SRPRB: variants seen among roughly 807,000 people sequenced by gnomAD.
SRPRB encodes the protein SRP receptor subunit beta.
Under a neutral mutation model 31.9 loss-of-function variants are expected in SRPRB, and 20 were observed. The ratio of observed to expected loss-of-function variants is 0.63; its 90% CI spans 0.44 to 0.91. The LOEUF (loss-of-function observed/expected upper bound fraction) is 0.91. Ranked by LOEUF, SRPRB falls within the 40% of genes least tolerant of loss-of-function variation. SRPRB has a pLI of 0.00. For missense variants in SRPRB, 321 were observed against 324.9 expected, an observed-to-expected ratio of 0.99 and a Z score of 0.09; for synonymous variants, 146 against 132.8, an observed-to-expected ratio of 1.10 and a Z score of -0.68.
chr3:133,796,212 G>A (rs1934966594), intron 1 of SRPRB: 1 of 153,184 alleles, frequency 6.5e-6, no homozygotes, highest in Non-Finnish European at 1.5e-5. Context: ...CCATCAAGGA[G>A]CTACCCTGCC....
In SRPRB at chr3:133,800,722, G is replaced by T. The variant is rs2107963618; in HGVS notation, c.-173-4954G>T. ...GTGACATGTCCTCAAACCCGCTAAG[G>T]CAGGGATGTGAAGCAGGAGGATGTC... On this transcript the variant is annotated intron_variant, in intron 1 of 7. Coordinates refer to the SRPRB transcript ENST00000466490. Among the ~76,000 whole-genome samples the T allele has an allele frequency of 1.3e-5, 2 of 152,298 alleles. 1 individual carries two copies. The highest frequency in any genetic ancestry group is 4.1e-4 in the South Asian group (2 of 4,822).
In SRPRB at chr3:133,819,734, G is replaced by C. The variant is rs931468352; in HGVS notation, c.784G>C (p.Asp262His). The stretch of plus-strand genomic sequence containing the variant: ...GGACGTGGGCTCTGCTGACATCCAG[G>C]ACTTGGAGAAATGGCTGGCTAAAAT... The part of the protein sequence containing the change: ...RGDVGSADIQ[D>H]LEKWLAKIA The change falls in exon 7 of 7, where the codon GAC becomes CAC. Residue 262 changes from aspartate (D) to histidine (H), a missense_variant. By Grantham distance (81) the Asp-to-His change is moderately conservative. Transcript: ENST00000678299. 2 of 1,614,134 alleles carry C rather than the reference G, an allele frequency of 1.2e-6. No individual in the cohort carries two copies. Among genetic ancestry groups the C allele is most frequent in the Admixed American group, 1.7e-5 (1 of 60,030 alleles).
chr3:133,790,741 A>G (rs1373634147), intron 1 of SRPRB: 2 of 152,178 alleles, frequency 1.3e-5, no homozygotes, highest in African/African-American at 2.4e-5. Context: ...ATTGCTTCAC[A>G]CTGTTTACTG....
chr3:133,822,795 C>G (rs948749043), downstream of SRPRB, among the ~76,000 whole-genome samples: 8 of 152,190 alleles, frequency 5.3e-5, no homozygotes, highest in Middle Eastern at 3.2e-3. Flanking sequence ...AGATGCCTAT[C>G]TCTTTATCTC....
At chr3:133,816,326 A>G (rs1043382089) in intron 5 of SRPRB, among the ~76,000 whole-genome samples, 1 of 152,220 alleles carries the variant, frequency 6.6e-6, no homozygotes, top group African/African-American at 2.4e-5. Context: ...TGGGAATGCA[A>G]TTAGCGTCAT....
downstream of SRPRB, chr3:133,827,416 T>C: frequency 6.5e-6 from 1 of 154,410 alleles, no homozygotes. Flanking sequence ...GCTGGCCAAG[T>C]AGGTTATATC....
In SRPRB at chr3:133,805,891, G is replaced by C. The variant is rs1360296211; in HGVS notation, c.43G>C (p.Ala15Pro). ...DSRRVADGGG[A>P]GGTFQPYLDT... ...GCGCCGGGTGGCAGATGGCGGCGGTGCCGGGGGCACCTTCCAGCCCTACCT... is the reference window on the plus strand; with the variant it reads ...GCGCCGGGTGGCAGATGGCGGCGGTCCCGGGGGCACCTTCCAGCCCTACCT... Residue 15 changes from alanine (A) to proline (P), a missense_variant, in exon 1 of 7, where the codon GCC (alanine) becomes CCC (proline). By Grantham distance (27) the Ala-to-Pro change is conservative (BLOSUM62 -1). Coordinates refer to ENST00000678299, the MANE Select transcript of SRPRB (RefSeq NM_001379313.1). 6.2e-7 allele frequency: 1 copy of C among 1,613,490 alleles called. No homozygotes were observed. Among genetic ancestry groups the C allele is most frequent in the African/African-American group, 1.3e-5 (1 of 75,038 alleles).
intron 1 of SRPRB, among the ~76,000 whole-genome samples, chr3:133,800,017 T>C (rs1311942097): frequency 6.6e-6 from 1 of 152,204 alleles, no homozygotes; most frequent in Non-Finnish European, 1.5e-5. Context: ...TCATCTTCCT[T>C]CTTCCCCCAG....
In SRPRB at chr3:133,819,598, C is replaced by G. The variant is rs201457927; in HGVS notation, c.648C>G (p.Asp216Glu). 48 of 1,614,106 alleles carry G rather than the reference C, an allele frequency of 3.0e-5. No individual in the cohort carries two copies. The highest frequency in any genetic ancestry group is 3.8e-5 in the Non-Finnish European group (45 of 1,180,050). The stretch of plus-strand genomic sequence containing the variant: ...GTTCTGCTGCCCCCAGCACACTGGA[C>G]AGTTCCAGCACTGCCCCTGCTCAGC... ...VTRSAAPSTL[D>E]SSSTAPAQLG... is the part of the protein sequence containing the mutation. Residue 216 changes from aspartate to glutamate, a missense_variant, in exon 7 of 7, where the codon GAC (aspartate) becomes GAG (glutamate). By Grantham distance (45) the Asp-to-Glu change is conservative. Transcript: ENST00000678299.
chr3:133,807,795 G>C lies in SRPRB; in HGVS notation c.299G>C (p.Cys100Ser), dbSNP rs755986028. 3.7e-6 allele frequency: 6 copies of C among 1,612,646 alleles called. No individual in the cohort carries two copies. In the South Asian group the frequency reaches 6.6e-5, roughly 18 times the overall value. Reference sequence around the variant, plus strand: ...ACTCAGACGTCCATTACTGACAGCTGTGCTGTATACAGAGTCAACAATAAC... The same window carrying C: ...ACTCAGACGTCCATTACTGACAGCTCTGCTGTATACAGAGTCAACAATAAC... ...RDTQTSITDS[C>S]AVYRVNNNRG... The change falls in exon 3 of 7, where the codon TGT becomes TCT. Residue 100 changes from cysteine (C) to serine (S), a missense_variant. By Grantham distance (112) the Cys-to-Ser change is moderately radical (BLOSUM62 -1). Coordinates refer to ENST00000678299, the MANE Select transcript of SRPRB (RefSeq NM_001379313.1).
chr3:133,811,216 T>C lies in SRPRB; in HGVS notation c.410+17T>C, dbSNP rs769066711. ...TTCAGCCAGGTAAGAAGGAAAGAAG[T>C]GAAGTGGGCTTGTCTAGGTCTGTAT... On this transcript the variant is annotated intron_variant, in intron 4 of 6. Coordinates refer to ENST00000678299, the MANE Select transcript of SRPRB (RefSeq NM_001379313.1). 1 of 1,612,606 alleles carries C rather than the reference T, an allele frequency of 6.2e-7. No individual in the cohort carries two copies. Among genetic ancestry groups the C allele is most frequent in the Non-Finnish European group, 8.5e-7 (1 of 1,178,760 alleles).
In SRPRB at chr3:133,789,889, T is replaced by G. The variant is rs1462185587; in HGVS notation, c.-174+5745T>G. ...AACGATCTCGTTTGCGTTTTTTTTT[T>G]TTTTTTTTTTTTTTTTTTTGACAAA... On this transcript the variant is annotated intron_variant, in intron 1 of 7. Coordinates refer to the SRPRB transcript ENST00000466490. 8.2e-5 allele frequency: 4 copies of G among 48,924 alleles called. No homozygotes were observed. The East Asian group carries it at 4.9e-3, about 60-fold the overall frequency. The allele number at this position is 48,924 out of a possible 1,614,324, so 3.0% of individuals were successfully genotyped here. A position where few individuals can be genotyped will look rare whatever the true frequency, so the allele number is the denominator to read the frequency against.
intron 1 of SRPRB, among the ~76,000 whole-genome samples, chr3:133,800,260 GC>G (rs1165118282): frequency 6.6e-6 from 1 of 152,252 alleles, no homozygotes; most frequent in Non-Finnish European, 1.5e-5. Flanking sequence ...CCTGCTAAGA[GC>G]CAGCAGTTTT....
intron 1 of SRPRB, among the ~76,000 whole-genome samples, chr3:133,797,074 CATG>C (rs1422246376): frequency 6.6e-6 from 1 of 152,124 alleles, no homozygotes; most frequent in Non-Finnish European, 1.5e-5. Context: ...GGTAAATATT[CATG>C]ATGTGTGAAA....
intron 1 of SRPRB, chr3:133,791,009 C>T (rs1934817514): frequency 1.3e-5 from 2 of 152,122 alleles, no homozygotes; most frequent in African/African-American, 2.4e-5. Context: ...GCCATTTATT[C>T]TCCTCTGGCT....
chr3:133,789,073 G>A (rs1187068379), intron 1 of SRPRB: 1 of 152,302 alleles, frequency 6.6e-6, no homozygotes, highest in African/African-American at 2.4e-5. Flanking sequence ...GGTCAGAGAT[G>A]CCTGACACTC....
downstream of SRPRB, chr3:133,826,998 T>C (rs1935575755): frequency 6.5e-6 from 1 of 152,682 alleles, no homozygotes; most frequent in Non-Finnish European, 1.5e-5. Flanking sequence ...GTTCAAACAT[T>C]GGTCCTTGCC....
In SRPRB at chr3:133,820,565, A is replaced by G. The variant is rs1024044363; in HGVS notation, c.*799A>G. 2.0e-5 allele frequency: 3 copies of G among 152,034 alleles called. No individual in the cohort carries two copies. The highest frequency in any genetic ancestry group is 4.4e-5 in the Non-Finnish European group (3 of 68,032). The allele number at this position is 152,034 out of a possible 1,614,324, so 9.4% of individuals were successfully genotyped here. ...TTCATGTGCTGCTTGAAGAGCTCCT[A>G]TTTTGTACTCCTGGCTAGAATGCTG... On this transcript the variant is annotated 3_prime_UTR_variant, in exon 7 of 7. Coordinates refer to ENST00000678299, the MANE Select transcript of SRPRB (RefSeq NM_001379313.1).
At chr3:133,802,418 A>T (rs1935075851), upstream of SRPRB, among the ~76,000 whole-genome samples, 1 of 152,110 alleles carries the variant, frequency 6.6e-6, no homozygotes, top group South Asian at 2.1e-4. Flanking sequence ...AAAAAAAATT[A>T]AAAGTATTTA....
Sources: gnomAD v4.1 joint callset for allele counts (sites outside exome capture counted in the v4.1 genomes callset) on GRCh38, gnomAD v4.1.1 for gene constraint, MANE v1.5 for transcripts, NCBI Gene and HGNC (gene_info 2026-07-23, HGNC 2026-07-21) for gene names.